Variants in EDEM2 observed in about 807,000 individuals in gnomAD.
EDEM2 encodes the protein ER degradation-enhancing alpha-mannosidase-like protein 2.
In EDEM2, 39 loss-of-function variants were observed where a neutral mutation model predicts 64.8. The observed-to-expected ratio is 0.60, with a 90% CI of 0.47 to 0.79. The LOEUF (loss-of-function observed/expected upper bound fraction) is 0.79. Ranked by LOEUF, EDEM2 falls within the 30% of genes least tolerant of loss-of-function variation. The pLI is 0.00. For missense variants in EDEM2, 609 were observed against 731.3 expected, an observed-to-expected ratio of 0.83 and a Z score of 1.93; for synonymous variants, 296 against 291.5, an observed-to-expected ratio of 1.02 and a Z score of -0.16.
At chr20:35,121,528 G>A (rs527444498) in intron 9 of EDEM2, among the ~76,000 whole-genome samples, 148 of 152,266 alleles carry the variant, frequency 9.7e-4, no homozygotes, top group African/African-American at 3.2e-3. Context: ...GACTTGTACC[G>A]GTCCACGGCC....
intron 3 of EDEM2, among the ~76,000 whole-genome samples, 155 bp from the exon 4 acceptor site, chr20:35,142,633 G>GCT (rs1190782317): frequency 6.6e-6 from 1 of 152,188 alleles, no homozygotes; most frequent in African/African-American, 2.4e-5. Flanking sequence ...AACACTGAGA[G>GCT]CTAGAAATCA....
At position 35,147,249 on chromosome 20, in the gene EDEM2, G is replaced by A; in HGVS notation, c.10C>T (p.Arg4Trp). 1.3e-6 allele frequency: 2 copies of A among 1,587,158 alleles called. No homozygotes were observed. The highest frequency in any genetic ancestry group is 1.7e-6 in the Non-Finnish European group (2 of 1,164,802). The change falls in exon 1 of 11, where the codon CGG (arginine) becomes TGG (tryptophan). Residue 4 changes from arginine (R) to tryptophan (W), a missense_variant. Arg to Trp is a moderately radical substitution (Grantham distance 101). Coordinates refer to ENST00000374492, the MANE Select transcript of EDEM2 (RefSeq NM_018217.3). ...AGGAGGCCGAGCGGGATGAGCAGCCGGAAAGGCATAGAGCTCGTGTCCTCT... is the reference window on the plus strand; with the variant it reads ...AGGAGGCCGAGCGGGATGAGCAGCCAGAAAGGCATAGAGCTCGTGTCCTCT... MPF[R>W]LLIPLGLLCA...
In EDEM2 at chr20:35,118,526, T is replaced by C. The variant is rs748741493; in HGVS notation, c.1236+72A>G. The stretch of plus-strand genomic sequence containing the variant: ...GCTGATATGTCAGAACTCCCAAAGC[T>C]CTACCCTTAAAGAGGCTTTTTAGCA... On this transcript the variant is annotated intron_variant, in intron 10 of 10. Coordinates refer to ENST00000374492, the MANE Select transcript of EDEM2 (RefSeq NM_018217.3). 4.2e-5 allele frequency: 68 copies of C among 1,606,136 alleles called. No homozygotes were observed. In the Admixed American group the frequency reaches 1.1e-3, roughly 26 times the overall value.
intron 4 of EDEM2, among the ~76,000 whole-genome samples, chr20:35,139,746 G>A (rs1177066564): frequency 1.8e-4 from 28 of 151,644 alleles, no homozygotes; most frequent in Non-Finnish European, 5.9e-5. Context: ...AAATGATCTC[G>A]AATGCAGCCA....
At position 35,147,286 on chromosome 20, in the gene EDEM2, C is replaced by T; in HGVS notation, c.-28G>A. The stretch of plus-strand genomic sequence containing the variant: ...AGCTCGTGTCCTCTCAGCGCCCCCG[C>T]AGCAGCAGCAGCCACTGCAACCAGT... On this transcript the variant is annotated 5_prime_UTR_variant, in exon 1 of 11. Transcript: ENST00000374492. The T allele has an allele frequency of 6.8e-7, 1 of 1,462,698 alleles. No individual in the cohort carries two copies. Among genetic ancestry groups the T allele is most frequent in the Non-Finnish European group, 9.1e-7 (1 of 1,102,014 alleles). 90.6% of individuals were successfully genotyped at this position (1,462,698 alleles called of 1,614,324 possible).
At chr20:35,140,373 ACTCTGGAG>A (rs2085636463) in intron 4 of EDEM2, among the ~76,000 whole-genome samples, 1 of 152,014 alleles carries the variant, frequency 6.6e-6, no homozygotes, top group African/African-American at 2.4e-5. Flanking sequence ...AATCCCAGCT[ACTCTGGAG>A]GCTGAGGCAG....
At chr20:35,145,098 C>A in intron 2 of EDEM2, 80 bp from the exon 3 acceptor site, 1 of 1,462,396 alleles carries the variant, frequency 6.8e-7, no homozygotes, top group South Asian at 1.2e-5. Context: ...TCTGATCCCC[C>A]TAAAACTAAA....
chr20:35,131,070 A>G (rs548245183), intron 7 of EDEM2, among the ~76,000 whole-genome samples: 3 of 152,338 alleles, frequency 2.0e-5, no homozygotes, highest in African/African-American at 7.2e-5. Context: ...GGACATAGGA[A>G]GACAGGAAAA....
intron 2 of EDEM2, among the ~76,000 whole-genome samples, chr20:35,145,421 T>C (rs2085715985): frequency 6.6e-6 from 1 of 152,178 alleles, no homozygotes; most frequent in African/African-American, 2.4e-5. Context: ...AACCCAACTG[T>C]CCACCCATTA....
intron 5 of EDEM2, among the ~76,000 whole-genome samples, chr20:35,136,117 C>T (rs1569180782): frequency 1.3e-5 from 2 of 152,302 alleles, no homozygotes; most frequent in South Asian, 2.1e-4. Flanking sequence ...CTGCCACAGA[C>T]AAGAAACTTG....
intron 2 of EDEM2, among the ~76,000 whole-genome samples, chr20:35,146,284 G>A (rs561749776): frequency 1.3e-5 from 2 of 152,100 alleles, no homozygotes; most frequent in African/African-American, 2.4e-5. Context: ...AATTTCTCCC[G>A]ACCTTAGCAC....
intron 10 of EDEM2, 34 bp downstream of exon 10, chr20:35,118,564 T>G: frequency 6.2e-7 from 1 of 1,613,456 alleles, no homozygotes; most frequent in South Asian, 1.1e-5. Context: ...AAGGGGAGAC[T>G]CTTCCCAGTT....
At chr20:35,136,061 C>T (rs1001859852) in intron 5 of EDEM2, among the ~76,000 whole-genome samples, 3 of 152,202 alleles carry the variant, frequency 2.0e-5, no homozygotes, top group African/African-American at 2.4e-5. Flanking sequence ...AAACTGTGAA[C>T]AAAGGTGTCG....
intron 7 of EDEM2, among the ~76,000 whole-genome samples, chr20:35,129,575 A>G (rs1159807769): frequency 6.6e-6 from 1 of 152,042 alleles, no homozygotes; most frequent in Admixed American, 6.6e-5. Context: ...TATCTCAAAA[A>G]AAAAAAAAAA....
chr20:35,142,523 G>T, intron 3 of EDEM2, 45 bp from the exon 4 acceptor site: 2 of 1,445,952 alleles, frequency 1.4e-6, no homozygotes, highest in Non-Finnish European at 1.9e-6. Flanking sequence ...TTACATGCAT[G>T]GAGGCAGATT....
At chr20:35,133,250 T>C (rs1165168424) in intron 6 of EDEM2, among the ~76,000 whole-genome samples, 1 of 151,954 alleles carries the variant, frequency 6.6e-6, no homozygotes. Flanking sequence ...CCTGGTACCC[T>C]CAGCCAAAGG....
chr20:35,132,209 C>T (rs1425948048), intron 6 of EDEM2, among the ~76,000 whole-genome samples: 1 of 152,024 alleles, frequency 6.6e-6, no homozygotes, highest in East Asian at 1.9e-4. Flanking sequence ...GAACATCCAC[C>T]AAGAAGCTGA....
rs758292965 is a variant in EDEM2, at chr20:35,134,816, G to T, written c.624C>A (p.Leu208=). The part of the protein sequence containing the change: ...FIVEFATLSS[L]TGDPVFEDVA... ...CATCTTCGAACACCGGGTCACCAGT[G>T]AGGCTGCTCAGGGTGGCAAATTCAA... is the stretch of plus-strand genomic sequence containing the variant. The change falls in exon 6 of 11, where the codon CTC becomes CTA. Residue 208 remains leucine (L), a synonymous_variant. Transcript: ENST00000374492. The T allele has an allele frequency of 4.3e-6, 7 of 1,614,168 alleles. No individual in the cohort carries two copies. In the Admixed American group the frequency reaches 8.3e-5, roughly 19 times the overall value.
intron 4 of EDEM2, among the ~76,000 whole-genome samples, chr20:35,138,740 C>T (rs534366144): frequency 1.3e-5 from 2 of 151,774 alleles, no homozygotes; most frequent in East Asian, 1.9e-4. Flanking sequence ...CCACCATGCC[C>T]GGCTAATTTT....
Sources: allele counts gnomAD v4.1 joint callset (sites outside exome capture counted in the v4.1 genomes callset), GRCh38; gene constraint gnomAD v4.1.1; transcripts MANE v1.5; gene names NCBI Gene and HGNC (gene_info 2026-07-23, HGNC 2026-07-21).